NRXN1: variants seen among roughly 807,000 people sequenced by gnomAD.
NRXN1 encodes neurexin-1.
Under a neutral mutation model 150.9 loss-of-function variants are expected in NRXN1, and 39 were observed. That is an observed-to-expected ratio of 0.26 (90% CI 0.20 to 0.34). The LOEUF is 0.34. NRXN1 is among the 10% of genes least tolerant of loss of function. The probability of loss-of-function intolerance (pLI) is 1.00; values close to 1 mark genes in which losing one functional copy is unlikely to be tolerated. For missense variants in NRXN1, 1,815 were observed against 1,949.9 expected (o/e 0.93, Z 1.30); for synonymous variants, 924 against 757.0 (o/e 1.22, Z -3.62).
At chr2:50,165,554 G>T (rs894606967) in intron 18 of NRXN1, among the ~76,000 whole-genome samples, 1 of 152,054 alleles carries the variant, frequency 6.6e-6, no homozygotes, top group African/African-American at 2.4e-5. Context: ...TCAGCATGTT[G>T]GCCAGGCTGG....
In NRXN1 at chr2:50,123,254, T is replaced by C. The variant is rs866761337; in HGVS notation, c.3547-31760A>G. Among the ~76,000 whole-genome samples, 29 of 152,178 alleles carry C rather than the reference T, an allele frequency of 1.9e-4. No individual in the cohort carries two copies. In the Middle Eastern group the frequency reaches 0.014, roughly 71 times the overall value. On this transcript the variant is annotated intron_variant, in intron 18 of 22. Coordinates refer to ENST00000401669, the MANE Select transcript of NRXN1 (RefSeq NM_001330078.2). ...GAGAGAGGTAAAAGAAGTGAGCAGG[T>C]GGCACTGAAAGAGTGGACAGAGAAA...
intron 18 of NRXN1, among the ~76,000 whole-genome samples, chr2:50,106,250 C>A (rs1452765): frequency 0.53 from 80,608 of 151,608 alleles, 21,817 homozygotes; most frequent in Non-Finnish European, 0.58. Flanking sequence ...ATTGGTCTAG[C>A]ATTTAATGAT....
chr2:49,940,404 A>G (rs1671776355), intron 22 of NRXN1, among the ~76,000 whole-genome samples: 1 of 152,204 alleles, frequency 6.6e-6, no homozygotes, highest in Admixed American at 6.5e-5. Flanking sequence ...TCCAATGTCT[A>G]ATAACAGCAG....
chr2:50,297,049 A>C (rs886175233), intron 17 of NRXN1, among the ~76,000 whole-genome samples: 1 of 121,662 alleles, frequency 8.2e-6, no homozygotes, highest in South Asian at 2.9e-4. Context: ...CACCCAGCTA[A>C]TTATTTTGTA....
chr2:50,548,930 C>T (rs183159004), intron 9 of NRXN1, among the ~76,000 whole-genome samples: 5 of 152,200 alleles, frequency 3.3e-5, no homozygotes, highest in African/African-American at 1.2e-4. Flanking sequence ...GATAATAAGG[C>T]TTTTAAAATA....
At chr2:50,021,560 A>C (rs1687570711) in intron 21 of NRXN1, among the ~76,000 whole-genome samples, 1 of 152,198 alleles carries the variant, frequency 6.6e-6, no homozygotes, top group African/African-American at 2.4e-5. Flanking sequence ...GTATTTTTCT[A>C]AGAAATAAAT....
Position 50,651,168 on chromosome 2 carries a change from T to G in NRXN1, c.833-27553A>C, listed in dbSNP as rs534163915. Among the ~76,000 whole-genome samples, 76 of 152,086 alleles carry G rather than the reference T, an allele frequency of 5.0e-4. 1 individual carries two copies. Among genetic ancestry groups the G allele is most frequent in the Non-Finnish European group, 8.8e-4 (60 of 67,994 alleles). On this transcript the variant is annotated intron_variant, in intron 5 of 22. Transcript: ENST00000401669. ...AAATAAGCAAATTCTTAGGCTTATT[T>G]TATTTTTTCTGTAATTCTTTAAAAA... is the stretch of plus-strand genomic sequence containing the variant.
At chr2:50,120,903 G>A (rs1703760949) in intron 18 of NRXN1, among the ~76,000 whole-genome samples, 1 of 152,172 alleles carries the variant, frequency 6.6e-6, no homozygotes, top group Non-Finnish European at 1.5e-5. Context: ...GAGATCTGTT[G>A]ACTAAATGTG....
Position 50,191,205 on chromosome 2 carries a change from G to GTT in NRXN1, c.3546+45582_3546+45583dup, listed in dbSNP as rs59678295. 2.9e-3 allele frequency among the ~76,000 whole-genome samples: 377 copies of GTT among 131,592 alleles called. 3 individuals are homozygous for GTT. Among genetic ancestry groups the GTT allele is most frequent in the Admixed American group, 6.5e-3 (80 of 12,378 alleles). 86.3% of individuals were successfully genotyped at this position (131,592 alleles called of 152,430 possible). A position where few individuals can be genotyped will look rare whatever the true frequency, so the allele number is the denominator to read the frequency against. On this transcript the variant is annotated intron_variant, in intron 18 of 22. Coordinates refer to ENST00000401669, the MANE Select transcript of NRXN1 (RefSeq NM_001330078.2). Reference sequence around the variant, plus strand: ...CATCATGCTCAGCTAATTGTTTTTTGTTTTTTTTTTTTTTAGTAGAGACGG... The same window carrying GTT: ...CATCATGCTCAGCTAATTGTTTTTTGTTTTTTTTTTTTTTTTAGTAGAGACGG...
At chr2:50,532,854 AAACAAGCGT>A (rs1385768178) in intron 10 of NRXN1, among the ~76,000 whole-genome samples, 11 of 152,172 alleles carry the variant, frequency 7.2e-5, no homozygotes, top group Non-Finnish European at 1.2e-4. Flanking sequence ...GAATATTGCA[AAACAAGCGT>A]GAATCAGTTT....
At chr2:50,610,663 A>ATATC (rs1355908507) in intron 8 of NRXN1, among the ~76,000 whole-genome samples, 2 of 124,092 alleles carry the variant, frequency 1.6e-5, no homozygotes, top group African/African-American at 6.1e-5. Flanking sequence ...ATATATATAT[A>ATATC]TATATATATA....
intron 2 of NRXN1, among the ~76,000 whole-genome samples, chr2:50,973,471 G>T (rs1320426156): frequency 6.6e-6 from 1 of 152,142 alleles, no homozygotes; most frequent in Non-Finnish European, 1.5e-5. Flanking sequence ...GGAAAGGAAT[G>T]CCTACTAAGT....
At chr2:50,649,850 G>C (rs1685352443) in intron 5 of NRXN1, among the ~76,000 whole-genome samples, 1 of 151,934 alleles carries the variant, frequency 6.6e-6, no homozygotes, top group African/African-American at 2.4e-5. Flanking sequence ...TGAGGAATGT[G>C]AATGAATCAT....
chr2:50,669,311 T>C (rs898206044), intron 5 of NRXN1, among the ~76,000 whole-genome samples: 3 of 151,982 alleles, frequency 2.0e-5, no homozygotes, highest in African/African-American at 7.2e-5. Context: ...GACTGAGCTT[T>C]ATCTTTTTAA....
At chr2:50,934,325 T>G (rs1544692) in intron 2 of NRXN1, among the ~76,000 whole-genome samples, 1 of 152,002 alleles carries the variant, frequency 6.6e-6, no homozygotes, top group East Asian at 1.9e-4. Flanking sequence ...ATGACCACTT[T>G]TCCTATAAAC....
At chr2:50,329,647 A>T (rs1245239331) in intron 17 of NRXN1, among the ~76,000 whole-genome samples, 17 of 8,660 alleles carry the variant, frequency 2.0e-3, no homozygotes, top group African/African-American at 0.016. Context: ...ATATATATAT[A>T]TATATATATA....
chr2:50,979,634 G>A (rs1051325246), intron 2 of NRXN1, among the ~76,000 whole-genome samples: 2 of 151,950 alleles, frequency 1.3e-5, no homozygotes, highest in African/African-American at 2.4e-5. Flanking sequence ...AGACCATGCA[G>A]GGCTTGCTCT....
At chr2:49,966,188 T>C (rs1422552348) in intron 21 of NRXN1, among the ~76,000 whole-genome samples, 1 of 152,202 alleles carries the variant, frequency 6.6e-6, no homozygotes, top group Non-Finnish European at 1.5e-5. Flanking sequence ...CCCCATACCT[T>C]CGTTTTCACT....
chr2:49,973,267 T>C (rs1430108898), intron 21 of NRXN1, among the ~76,000 whole-genome samples: 2 of 152,214 alleles, frequency 1.3e-5, no homozygotes, highest in East Asian at 3.8e-4. Flanking sequence ...ATTTCAGAAA[T>C]AAACACTTTC....
Sources: gnomAD v4.1 joint callset for allele counts (sites outside exome capture counted in the v4.1 genomes callset) on GRCh38, gnomAD v4.1.1 for gene constraint, MANE v1.5 for transcripts, NCBI Gene and HGNC (gene_info 2026-07-23, HGNC 2026-07-21) for gene names.